HYCC2: variants seen among roughly 807,000 people sequenced by gnomAD.
HYCC2 encodes hyccin 2.
At chr2:201,052,458 A>G in the HYCC2 span, among the ~76,000 whole-genome samples, 1 of 151,980 alleles carries the variant, frequency 6.6e-6, no homozygotes, top group African/African-American at 2.4e-5. Context: ...AATTTTAAAA[A>G]TTAGCCGGGC....
chr2:201,061,622 T>C, the HYCC2 span, among the ~76,000 whole-genome samples: 1 of 150,218 alleles, frequency 6.7e-6, no homozygotes, highest in Non-Finnish European at 1.5e-5. Flanking sequence ...TCTTTCATAC[T>C]TATAGTTTTT....
At chr2:200,981,422 C>A in the HYCC2 span, 5 of 1,614,172 alleles carry the variant, frequency 3.1e-6, no homozygotes, top group South Asian at 5.5e-5. This position sits in a 1 kb window ranked among gnomAD's most constrained non-coding sequence, Gnocchi z 4.5. Context: ...GCATTGTTGG[C>A]TGCTAAATTA....
At chr2:200,991,945 G>C in the HYCC2 span, among the ~76,000 whole-genome samples, 8 of 151,864 alleles carry the variant, frequency 5.3e-5, no homozygotes, top group South Asian at 4.2e-4. Flanking sequence ...TCGGGGCCGG[G>C]GGGGGAGGTG....
the HYCC2 span, chr2:201,023,623 A>G: frequency 5.8e-6 from 1 of 171,674 alleles, no homozygotes. Context: ...TTTTAATTAT[A>G]GGACAGAAAA....
chr2:201,041,503 C>T, the HYCC2 span, among the ~76,000 whole-genome samples: 2 of 152,228 alleles, frequency 1.3e-5, no homozygotes, highest in African/African-American at 4.8e-5. Context: ...CTGGCTCCTT[C>T]TGATCTTGTA....
the HYCC2 span, among the ~76,000 whole-genome samples, chr2:201,020,792 G>A: frequency 1.3e-5 from 2 of 152,156 alleles, no homozygotes; most frequent in Non-Finnish European, 2.9e-5. Context: ...CTCTGAGATG[G>A]AGTCTTGGCT....
chr2:200,986,177 AACTTTTTTGG>A, the HYCC2 span, among the ~76,000 whole-genome samples: 2 of 152,220 alleles, frequency 1.3e-5, no homozygotes, highest in African/African-American at 2.4e-5. Context: ...AAACAGCACC[AACTTTTTTGG>A]GTCCCTAGGT....
the HYCC2 span, among the ~76,000 whole-genome samples, chr2:201,042,714 C>A: frequency 1.3e-5 from 2 of 150,830 alleles, no homozygotes; most frequent in East Asian, 3.9e-4. Flanking sequence ...GCAGCCCCCG[C>A]CCGGCCAGCC....
chr2:201,041,770 C>T, the HYCC2 span, among the ~76,000 whole-genome samples: 5 of 152,116 alleles, frequency 3.3e-5, no homozygotes, highest in African/African-American at 1.2e-4. Flanking sequence ...GGATGTAAGA[C>T]GGGTACTTAA....
At chr2:201,008,713 A>G in the HYCC2 span, among the ~76,000 whole-genome samples, 1 of 152,234 alleles carries the variant, frequency 6.6e-6, no homozygotes, top group South Asian at 2.1e-4. Flanking sequence ...TGGACAACAT[A>G]GCAAGACCTT....
chr2:201,012,328 T>C, the HYCC2 span, among the ~76,000 whole-genome samples: 3 of 152,004 alleles, frequency 2.0e-5, no homozygotes, highest in African/African-American at 7.2e-5. Flanking sequence ...GGGCATGGTA[T>C]CGCAGGCCTG....
At chr2:201,025,153 A>G in the HYCC2 span, among the ~76,000 whole-genome samples, 4 of 152,074 alleles carry the variant, frequency 2.6e-5, no homozygotes, top group African/African-American at 4.8e-5. Flanking sequence ...AAAATGCCCA[A>G]GTAGAAAAAG....
At chr2:201,052,616 GAAAA>G in the HYCC2 span, among the ~76,000 whole-genome samples, 6 of 151,808 alleles carry the variant, frequency 4.0e-5, no homozygotes, top group African/African-American at 1.5e-4. Flanking sequence ...AAAAGAAAAA[GAAAA>G]AAGAAAGAAA....
At chr2:201,048,503 G>A in the HYCC2 span, among the ~76,000 whole-genome samples, 1 of 139,400 alleles carries the variant, frequency 7.2e-6, no homozygotes, top group Non-Finnish European at 1.5e-5. Context: ...AATTTTTTTT[G>A]CAATTTTTTT....
chr2:200,996,736 C>T, the HYCC2 span: 1 of 152,298 alleles, frequency 6.6e-6, no homozygotes, highest in Admixed American at 6.5e-5. Flanking sequence ...GGTACTATTG[C>T]TAATCACTTT....
At chr2:201,022,710 A>C in the HYCC2 span, 2 of 576,102 alleles carry the variant, frequency 3.5e-6, no homozygotes, top group Admixed American at 3.7e-5. Flanking sequence ...AGAATGAAAA[A>C]CAGCAGAAAG....
chr2:201,061,822 C>A, the HYCC2 span, among the ~76,000 whole-genome samples: 13 of 152,138 alleles, frequency 8.5e-5, no homozygotes, highest in Admixed American at 8.5e-4. Flanking sequence ...AGTACACATT[C>A]TGGCCAGGTG....
the HYCC2 span, chr2:201,063,118 C>T: frequency 1.1e-5 from 18 of 1,609,672 alleles, no homozygotes; most frequent in East Asian, 2.0e-4. Context: ...CTAAAGAGCC[C>T]GAACAGCTGA....
chr2:201,042,102 A>C, the HYCC2 span, among the ~76,000 whole-genome samples: 117 of 152,256 alleles, frequency 7.7e-4, 1 homozygote, highest in African/African-American at 2.8e-3. Context: ...GATTGCAGGC[A>C]CATGCCGCCA....
Sources: allele counts gnomAD v4.1 joint callset (sites outside exome capture counted in the v4.1 genomes callset), GRCh38; gene constraint gnomAD v4.1.1; non-coding constraint Gnocchi (gnomAD v3.1); transcripts MANE v1.5; gene names NCBI Gene and HGNC (gene_info 2026-07-23, HGNC 2026-07-21).